Variants in LTBP3 observed in about 807,000 individuals in gnomAD.
LTBP3 encodes the protein latent transforming growth factor beta binding protein 3.
Under a neutral mutation model 159.7 loss-of-function variants are expected in LTBP3, and 97 were observed. The ratio of observed to expected loss-of-function variants is 0.61; its 90% CI spans 0.52 to 0.72. The LOEUF (loss-of-function observed/expected upper bound fraction) is 0.72, where lower values mean the gene tolerates loss of function less well. Ranked by LOEUF, LTBP3 falls within the 30% of genes least tolerant of loss-of-function variation. The pLI is 0.00. For missense variants in LTBP3, 1,584 were observed against 1,864.3 expected (o/e 0.85, Z 2.77); for synonymous variants, 824 against 777.1 (o/e 1.06, Z -1.00).
Position 65,553,052 on chromosome 11 carries a change from T to C in LTBP3, c.1064-70A>G. ...GTGACAGCAGGCTGCTCCAAGAACC[T>C]CAGGGTCTTGCCCCAGCCCCACCTC... is the stretch of plus-strand genomic sequence containing the variant. On this transcript the variant is annotated intron_variant, in intron 5 of 27. Transcript: ENST00000301873. The surrounding 1 kb of genome is among the most constrained non-coding windows in gnomAD (Gnocchi z 6.5). 1 of 1,611,742 alleles carries C rather than the reference T, an allele frequency of 6.2e-7. No individual in the cohort carries two copies. The highest frequency in any genetic ancestry group is 8.5e-7 in the Non-Finnish European group (1 of 1,178,154).
rs1856431448 is a variant in LTBP3 at position 65,547,632 on chromosome 11, G to C, written c.1978+58C>G. ...CGGCGGGCAAGGGGAGGGATTACACGGCGGTCTGGAGGAGAGCCCGTCCCA... is the reference window on the plus strand; with the variant it reads ...CGGCGGGCAAGGGGAGGGATTACACCGCGGTCTGGAGGAGAGCCCGTCCCA... On this transcript the variant is annotated intron_variant, in intron 13 of 27. Coordinates refer to ENST00000301873, the MANE Select transcript of LTBP3 (RefSeq NM_001130144.3). The surrounding 1 kb of genome is among the most constrained non-coding windows in gnomAD (Gnocchi z 4.6). 3 of 1,609,174 alleles carry C rather than the reference G, an allele frequency of 1.9e-6. No individual in the cohort carries two copies. Among genetic ancestry groups the C allele is most frequent in the Non-Finnish European group, 2.5e-6 (3 of 1,178,500 alleles).
chr11:65,539,037 T>G lies in LTBP3; in HGVS notation c.*43A>C. On this transcript the variant is annotated 3_prime_UTR_variant, in exon 28 of 28. Transcript: ENST00000301873. ...GTGAGGCCGAGCTCGCGGAAATCCC[T>G]CAGTGATCACCGAGGTCTGGGCCGA... 7.5e-7 allele frequency: 1 copy of G among 1,336,556 alleles called. No homozygotes were observed. The highest frequency in any genetic ancestry group is 1.7e-5 in the South Asian group (1 of 57,282). The allele number at this position is 1,336,556 out of a possible 1,614,324, so 82.8% of individuals were successfully genotyped here. A position where few individuals can be genotyped will look rare whatever the true frequency, so the allele number is the denominator to read the frequency against.
chr11:65,549,936 A>C (rs1487246231), intron 11 of LTBP3, among the ~76,000 whole-genome samples: 3 of 151,960 alleles, frequency 2.0e-5, no homozygotes, highest in Admixed American at 2.0e-4. Flanking sequence ...CAAACTAAAC[A>C]AATAAAAAGA....
intron 23 of LTBP3, 42 bp from the exon 24 acceptor site, chr11:65,540,195 G>T: frequency 1.3e-6 from 2 of 1,541,314 alleles, no homozygotes; most frequent in Non-Finnish European, 1.7e-6. Flanking sequence ...TCACAGCTCG[G>T]CCCGGGCCCC....
At position 65,553,973 on chromosome 11, in the gene LTBP3, G is replaced by C; in HGVS notation, c.662-70C>G. 3 of 1,569,192 alleles carry C rather than the reference G, an allele frequency of 1.9e-6. No individual in the cohort carries two copies. Among genetic ancestry groups the C allele is most frequent in the South Asian group, 2.2e-5 (2 of 89,000 alleles). The stretch of plus-strand genomic sequence containing the variant: ...CGGGTCACCGCGCTGAGCTCCTCCA[G>C]GGCTGAACCTGCCCTGCCCTGGCCA... On this transcript the variant is annotated intron_variant, in intron 2 of 27. Transcript: ENST00000301873. This position sits in a 1 kb window ranked among gnomAD's most constrained non-coding sequence, Gnocchi z 6.5.
chr11:65,541,469 A>G, intron 19 of LTBP3, 131 bp downstream of exon 19: 1 of 1,501,678 alleles, frequency 6.7e-7, no homozygotes, highest in South Asian at 1.1e-5. Flanking sequence ...GCCCCACCAG[A>G]CTCCCCCAGC....
rs781227210 is a variant in LTBP3 at position 65,540,502 on chromosome 11, G to A, written c.3090C>T (p.Asn1030=). 2 of 1,613,616 alleles carry A rather than the reference G, an allele frequency of 1.2e-6. No individual in the cohort carries two copies. The highest frequency in any genetic ancestry group is 1.1e-5 in the South Asian group (1 of 91,094). Residue 1030 remains asparagine, a synonymous_variant, in exon 22 of 28, where the codon AAC becomes AAT. Coordinates refer to ENST00000301873, the MANE Select transcript of LTBP3 (RefSeq NM_001130144.3). ...YCKQGFYYDG[N]LLECVDVDEC... is the part of the protein sequence containing the mutation. ...GGAGCTCACCCACGCATTCCAGCAG[G>A]TTCCCGTCGTAGTAGAAGCCCTGCT...
Position 65,539,054 on chromosome 11 carries a change from C to A in LTBP3, c.*26G>T. 1.5e-6 allele frequency: 2 copies of A among 1,357,136 alleles called. No homozygotes were observed. Among genetic ancestry groups the A allele is most frequent in the South Asian group, 3.3e-5 (2 of 60,932 alleles). The allele number at this position is 1,357,136 out of a possible 1,614,324, so 84.1% of individuals were successfully genotyped here. Reference sequence around the variant, plus strand: ...GAAATCCCTCAGTGATCACCGAGGTCTGGGCCGAGGGCGGCGTCGGCGGCG... The same window carrying A: ...GAAATCCCTCAGTGATCACCGAGGTATGGGCCGAGGGCGGCGTCGGCGGCG... On this transcript the variant is annotated 3_prime_UTR_variant, in exon 28 of 28. Coordinates refer to ENST00000301873, the MANE Select transcript of LTBP3 (RefSeq NM_001130144.3).
chr11:65,541,800 A>C, intron 18 of LTBP3, 72 bp from the exon 19 acceptor site: 1 of 1,569,254 alleles, frequency 6.4e-7, no homozygotes, highest in Admixed American at 1.7e-5. Flanking sequence ...AGGGCCTCAC[A>C]CAAGTTCAGA....
At chr11:65,540,644 G>A (rs1225626406) in intron 21 of LTBP3, 30 bp from the exon 22 acceptor site, 1 of 1,579,690 alleles carries the variant, frequency 6.3e-7, no homozygotes, top group African/African-American at 1.4e-5. Flanking sequence ...GGCCGCTCCG[G>A]TCCCGCAGCT....
Position 65,557,900 on chromosome 11 carries a change from C to T in LTBP3, c.60G>A (p.Ala20=). Residue 20 remains alanine (A), a synonymous_variant, in exon 1 of 28, where the codon GCG becomes GCA. Coordinates refer to ENST00000301873, the MANE Select transcript of LTBP3 (RefSeq NM_001130144.3). ...GLAPEMRGAG[A]AGLLALLLLL... ...GCAGCAGCAGCGCCAGCAGCCCCGCCGCCCCCGCCCCGCGCATCTCAGGGG... is the reference window on the plus strand; with the variant it reads ...GCAGCAGCAGCGCCAGCAGCCCCGCTGCCCCCGCCCCGCGCATCTCAGGGG... 1 of 1,271,482 alleles carries T rather than the reference C, an allele frequency of 7.9e-7. No homozygotes were observed. 78.8% of individuals were successfully genotyped at this position (1,271,482 alleles called of 1,614,324 possible). A position where few individuals can be genotyped will look rare whatever the true frequency, so the allele number is the denominator to read the frequency against.
chr11:65,540,643 G>C, intron 21 of LTBP3, 29 bp from the exon 22 acceptor site: 1 of 1,595,252 alleles, frequency 6.3e-7, no homozygotes. Context: ...TGGCCGCTCC[G>C]GTCCCGCAGC....
Position 65,551,407 on chromosome 11 carries a change from T to G in LTBP3, c.1616A>C (p.Tyr539Ser). 6.2e-7 allele frequency: 1 copy of G among 1,613,096 alleles called. No homozygotes were observed. The highest frequency in any genetic ancestry group is 8.5e-7 in the Non-Finnish European group (1 of 1,179,954). ...PTATTTPARP[Y>S]PELISRPSPP... ...CCCTACAGTGCCCAGCTCACCGGGG[T>G]AGGGCCGGGCAGGAGTCGTGGTGGC... Residue 539 changes from tyrosine (Y) to serine (S), a missense_variant, in exon 10 of 28, where the codon TAC becomes TCC. Coordinates refer to ENST00000301873, the MANE Select transcript of LTBP3 (RefSeq NM_001130144.3).
chr11:65,543,247 A>AG (rs1565092066), intron 17 of LTBP3, 23 bp from the exon 18 acceptor site: 20 of 1,613,926 alleles, frequency 1.2e-5, no homozygotes, highest in Non-Finnish European at 1.5e-5. Flanking sequence ...GAAGGGGTGG[A>AG]GAATCTCAGG....
chr11:65,554,352 G>A lies in LTBP3; in HGVS notation c.360C>T (p.Gly120=), dbSNP rs761888245. 18 of 1,612,134 alleles carry A rather than the reference G, an allele frequency of 1.1e-5. No homozygotes were observed. The highest frequency in any genetic ancestry group is 3.3e-4 in the Middle Eastern group (2 of 6,054). ...ACTGGTTTCGCGAGGAGCACTGGCC[G>A]CCATTCATGCAGGGGAGAGGGCACA... The part of the protein sequence containing the change: ...VVVCPLPCMN[G]GQCSSRNQCL... The change falls in exon 2 of 28, where the codon GGC becomes GGT. Residue 120 remains glycine, a synonymous_variant. Coordinates refer to ENST00000301873, the MANE Select transcript of LTBP3 (RefSeq NM_001130144.3). This position sits in a 1 kb window ranked among gnomAD's most constrained non-coding sequence, Gnocchi z 5.3.
intron 11 of LTBP3, among the ~76,000 whole-genome samples, chr11:65,550,652 C>T (rs11605937): frequency 0.098 from 7,906 of 80,366 alleles, 286 homozygotes; most frequent in South Asian, 0.28. Context: ...GGTGAAACCC[C>T]GTCTCTACTA....
At chr11:65,542,329 T>TG (rs1445550706) in intron 18 of LTBP3, 1 of 163,446 alleles carries the variant, frequency 6.1e-6, no homozygotes, top group African/African-American at 2.4e-5. Context: ...GGGTGATTGT[T>TG]GATTACCTAG....
chr11:65,545,257 C>G (rs1311933905), intron 16 of LTBP3: 1 of 192,546 alleles, frequency 5.2e-6, no homozygotes, highest in African/African-American at 2.3e-5. Context: ...TGCCCCTGAA[C>G]TGTCAGTGTC....
Position 65,539,308 on chromosome 11 carries a change from AC to A in LTBP3, c.3760+19del. 2 of 905,228 alleles carry A rather than the reference AC, an allele frequency of 2.2e-6. No homozygotes were observed. The highest frequency in any genetic ancestry group is 5.6e-5 in the East Asian group (1 of 17,766). 56.1% of individuals were successfully genotyped at this position (905,228 alleles called of 1,614,324 possible). A position where few individuals can be genotyped will look rare whatever the true frequency, so the allele number is the denominator to read the frequency against. ...CACCACCGGCCCCGCCCCTGCCCCC[AC>A]CCCCGAAGCCCGGCTCACCCACGCA... On this transcript the variant is annotated intron_variant, in intron 27 of 27. Coordinates refer to ENST00000301873, the MANE Select transcript of LTBP3 (RefSeq NM_001130144.3).
Sources: gnomAD v4.1 joint callset for allele counts (sites outside exome capture counted in the v4.1 genomes callset) on GRCh38, gnomAD v4.1.1 for gene constraint, Gnocchi (gnomAD v3.1) non-coding constraint, MANE v1.5 for transcripts, NCBI Gene and HGNC (gene_info 2026-07-23, HGNC 2026-07-21) for gene names.